The following SEPTIN11 variants were observed in gnomAD, a reference collection of about 807,000 sequenced individuals.
SEPTIN11 encodes septin-11.
In SEPTIN11, 25 loss-of-function variants were observed where a neutral mutation model predicts 51.4. The ratio of observed to expected loss-of-function variants is 0.49; its 90% CI spans 0.35 to 0.68. The LOEUF (loss-of-function observed/expected upper bound fraction) is 0.68. SEPTIN11 is among the 30% of genes least tolerant of loss of function. The pLI is 0.00. For synonymous variants in SEPTIN11, 174 were observed against 184.1 expected (o/e 0.95, Z 0.44); for missense variants, 381 against 520.8 (o/e 0.73, Z 2.61).
Position 76,996,450 on chromosome 4 carries a change from T to C in SEPTIN11, c.53T>C (p.Leu18Ser). 6.2e-7 allele frequency: 1 copy of C among 1,614,142 alleles called. No homozygotes were observed. Among genetic ancestry groups the C allele is most frequent in the Non-Finnish European group, 8.5e-7 (1 of 1,179,948 alleles). ...PSNEELRNLSLSGHVGFDSLP... is the reference protein window; with the variant it reads ...PSNEELRNLSSSGHVGFDSLP... ...AATGAAGAGCTTCGAAACTTGTCTT[T>C]GTCTGGCCATGTGGGATTTGACAGC... The change falls in exon 2 of 10, where the codon TTG (leucine) becomes TCG (serine). Residue 18 changes from leucine (L) to serine (S), a missense_variant. Coordinates refer to ENST00000264893, the MANE Select transcript of SEPTIN11 (RefSeq NM_018243.4).
At chr4:76,966,089 G>A (rs1467800422) in intron 1 of SEPTIN11, among the ~76,000 whole-genome samples, 3 of 152,158 alleles carry the variant, frequency 2.0e-5, no homozygotes, top group Non-Finnish European at 4.4e-5. Context: ...TATGTTCCTG[G>A]GAGAGAAGGA....
intron 7 of SEPTIN11, among the ~76,000 whole-genome samples, chr4:77,028,370 T>C (rs181934605): frequency 6.6e-6 from 1 of 152,344 alleles, no homozygotes; most frequent in Admixed American, 6.5e-5. Flanking sequence ...TATGAATATA[T>C]GTAAGATAAA....
In SEPTIN11 at chr4:77,035,651, G is replaced by A. The variant is rs1726973309; in HGVS notation, c.*1139G>A. 2.0e-6 allele frequency: 2 copies of A among 985,688 alleles called. No homozygotes were observed. The highest frequency in any genetic ancestry group is 2.4e-6 in the Non-Finnish European group (2 of 829,916). The allele number at this position is 985,688 out of a possible 1,614,324, so 61.1% of individuals were successfully genotyped here. A position where few individuals can be genotyped will look rare whatever the true frequency, so the allele number is the denominator to read the frequency against. Reference sequence around the variant, plus strand: ...CAGTATTTGGCAATAAAAGAAAGAAGAAATAGAACAGCTGAAGTCTCAAAT... The same window carrying A: ...CAGTATTTGGCAATAAAAGAAAGAAAAAATAGAACAGCTGAAGTCTCAAAT... On this transcript the variant is annotated 3_prime_UTR_variant, in exon 10 of 10. Coordinates refer to ENST00000264893, the MANE Select transcript of SEPTIN11 (RefSeq NM_018243.4).
chr4:76,968,755 G>C (rs1158153157), intron 1 of SEPTIN11, among the ~76,000 whole-genome samples: 1 of 152,198 alleles, frequency 6.6e-6, no homozygotes, highest in African/African-American at 2.4e-5. Context: ...GAATGTCCTA[G>C]TAGTGGGTTG....
At chr4:76,992,389 A>G (rs1471430533) in intron 1 of SEPTIN11, among the ~76,000 whole-genome samples, 1 of 152,216 alleles carries the variant, frequency 6.6e-6, no homozygotes, top group Non-Finnish European at 1.5e-5. Flanking sequence ...CTTAATATTC[A>G]GTTCATGAGA....
chr4:77,035,019 T>G lies in SEPTIN11; in HGVS notation c.*507T>G, dbSNP rs995645283. On this transcript the variant is annotated 3_prime_UTR_variant, in exon 10 of 10. Transcript: ENST00000264893. ...AAGGTAGATTTGTACGTAGACAGAC[T>G]GGTGAGCAAGCATTATATTTTATTT... 1 of 985,780 alleles carries G rather than the reference T, an allele frequency of 1.0e-6. No individual in the cohort carries two copies. The highest frequency in any genetic ancestry group is 1.7e-5 in the African/African-American group (1 of 57,258). 61.1% of individuals were successfully genotyped at this position (985,780 alleles called of 1,614,324 possible). A position where few individuals can be genotyped will look rare whatever the true frequency, so the allele number is the denominator to read the frequency against.
At position 76,967,559 on chromosome 4, in the gene SEPTIN11, G is replaced by A. The variant is rs375433644; in HGVS notation, c.27+17629G>A. On this transcript the variant is annotated intron_variant, in intron 1 of 9. Transcript: ENST00000264893. ...TCTTCAGTTTTTCAAAAGAAGAGATGGACATTTGGAATTTGATGTGAAATT... is the reference window on the plus strand; with the variant it reads ...TCTTCAGTTTTTCAAAAGAAGAGATAGACATTTGGAATTTGATGTGAAATT... Among the ~76,000 whole-genome samples the A allele has an allele frequency of 3.3e-5, 5 of 152,260 alleles. No homozygotes were observed. The South Asian group carries it at 1.0e-3, about 32-fold the overall frequency.
chr4:77,038,483 A>C lies in SEPTIN11; in HGVS notation c.*3971A>C, dbSNP rs1727182706. 1.0e-6 allele frequency: 1 copy of C among 985,984 alleles called. No homozygotes were observed. The allele number at this position is 985,984 out of a possible 1,614,324, so 61.1% of individuals were successfully genotyped here. A position where few individuals can be genotyped will look rare whatever the true frequency, so the allele number is the denominator to read the frequency against. On this transcript the variant is annotated 3_prime_UTR_variant, in exon 10 of 10. Coordinates refer to ENST00000264893, the MANE Select transcript of SEPTIN11 (RefSeq NM_018243.4). ...AAGCATATCATTTTTTCAAATATGA[A>C]AGTGATCACTTAGCAACATGCTTGG...
At chr4:77,027,392 T>C (rs1401940429) in intron 7 of SEPTIN11, among the ~76,000 whole-genome samples, 1 of 152,224 alleles carries the variant, frequency 6.6e-6, no homozygotes, top group African/African-American at 2.4e-5. Context: ...TGCCTCGGCC[T>C]CCCAAAGTGC....
chr4:76,950,240 C>A (rs1326844650), intron 1 of SEPTIN11, among the ~76,000 whole-genome samples: 1 of 152,176 alleles, frequency 6.6e-6, no homozygotes, highest in Non-Finnish European at 1.5e-5. Flanking sequence ...CCGCCTCCCT[C>A]TGCCCGCGCA....
chr4:77,039,260 C>G (rs776422562), downstream of SEPTIN11: 95 of 1,169,768 alleles, frequency 8.1e-5, no homozygotes, highest in Non-Finnish European at 9.5e-5. Flanking sequence ...CAATGTCTGC[C>G]CATAGTGGAT....
chr4:76,959,281 AATT>A (rs1261004377), intron 1 of SEPTIN11: 1 of 157,424 alleles, frequency 6.4e-6, no homozygotes, highest in African/African-American at 2.5e-5. Context: ...AAATAATAAT[AATT>A]ATTATTTTTA....
intron 1 of SEPTIN11, among the ~76,000 whole-genome samples, chr4:76,990,686 G>A (rs551121921): frequency 5.9e-5 from 9 of 152,326 alleles, no homozygotes; most frequent in African/African-American, 4.8e-5. Flanking sequence ...AACCCTGTCC[G>A]TGGAAAAATG....
At chr4:76,973,460 G>A (rs1464283839) in intron 1 of SEPTIN11, among the ~76,000 whole-genome samples, 1 of 152,212 alleles carries the variant, frequency 6.6e-6, no homozygotes, top group African/African-American at 2.4e-5. Context: ...AAGGGAGGCA[G>A]CTCAGCTGTT....
intron 1 of SEPTIN11, among the ~76,000 whole-genome samples, chr4:76,956,962 A>ATGTGTGTGTGTGTGTGTGTGTGTGTG (rs202035045): frequency 4.2e-4 from 50 of 119,176 alleles, no homozygotes; most frequent in African/African-American, 9.3e-4. Context: ...TAGTAGAATG[A>ATGTGTGTGTGTGTGTGTGTGTGTGTG]TGTGTGTGTG....
At chr4:77,002,749 T>C (rs951571602) in intron 2 of SEPTIN11, among the ~76,000 whole-genome samples, 4 of 151,506 alleles carry the variant, frequency 2.6e-5, no homozygotes, top group African/African-American at 9.7e-5. Flanking sequence ...ACTGGTTTTA[T>C]ATTGCTTTTA....
intron 1 of SEPTIN11, among the ~76,000 whole-genome samples, chr4:76,982,426 G>T (rs2109916893): frequency 6.6e-6 from 1 of 152,238 alleles, no homozygotes; most frequent in South Asian, 2.1e-4. Flanking sequence ...GGCCAGGCTG[G>T]TGTCAAACTC....
In SEPTIN11 at chr4:77,001,539, G is replaced by C. The variant is rs188828225; in HGVS notation, c.143-4062G>C. Among the ~76,000 whole-genome samples, 4 of 152,002 alleles carry C rather than the reference G, an allele frequency of 2.6e-5. No individual in the cohort carries two copies. The South Asian group carries it at 8.3e-4, about 32-fold the overall frequency. ...TAATTTTTGTATTTTTAGTAGAGAC[G>C]GGGTTTCACCATGTTGGCCAGGATG... On this transcript the variant is annotated intron_variant, in intron 2 of 9. Transcript: ENST00000264893.
At chr4:76,992,335 T>G (rs888820045) in intron 1 of SEPTIN11, among the ~76,000 whole-genome samples, 4 of 152,338 alleles carry the variant, frequency 2.6e-5, no homozygotes, top group Admixed American at 2.6e-4. Context: ...TATTGGATTT[T>G]TATAACAGCT....
Sources: allele counts gnomAD v4.1 joint callset (sites outside exome capture counted in the v4.1 genomes callset), GRCh38; gene constraint gnomAD v4.1.1; transcripts MANE v1.5; gene names NCBI Gene and HGNC (gene_info 2026-07-23, HGNC 2026-07-21).